PLXNA4: variants seen among roughly 807,000 people sequenced by gnomAD.
PLXNA4 encodes the protein plexin-A4.
In PLXNA4, 44 loss-of-function variants were observed where a neutral mutation model predicts 191.8. The observed-to-expected ratio is 0.23, with a 90% CI of 0.18 to 0.29. The LOEUF is 0.29. Ranked by LOEUF, PLXNA4 falls within the 10% of genes least tolerant of loss-of-function variation. The pLI, the probability that PLXNA4 is intolerant of heterozygous loss-of-function variation, is 1.00. For synonymous variants in PLXNA4, 1,082 were observed against 1,009.5 expected (o/e 1.07, Z -1.36); for missense variants, 1,800 against 2,488.8 (o/e 0.72, Z 5.89).
At chr7:132,502,591 C>T (rs958549357) in intron 2 of PLXNA4, among the ~76,000 whole-genome samples, 14 of 152,150 alleles carry the variant, frequency 9.2e-5, no homozygotes, top group Non-Finnish European at 1.6e-4. Context: ...GCAGTCCCTG[C>T]ACCAAGAACT....
chr7:132,341,333 T>G (rs369697923), intron 3 of PLXNA4, among the ~76,000 whole-genome samples: 3 of 152,134 alleles, frequency 2.0e-5, no homozygotes, highest in East Asian at 1.9e-4. Flanking sequence ...TATAATTTTA[T>G]GTACTACTAA....
At chr7:132,475,600 C>A (rs1406877494) in intron 3 of PLXNA4, among the ~76,000 whole-genome samples, 1 of 152,030 alleles carries the variant, frequency 6.6e-6, no homozygotes, top group Non-Finnish European at 1.5e-5. Flanking sequence ...TCCCCCTTCC[C>A]CTGACCCAAC....
intron 2 of PLXNA4, among the ~76,000 whole-genome samples, chr7:132,619,484 G>A (rs377273557): frequency 6.6e-6 from 1 of 152,200 alleles, no homozygotes; most frequent in African/African-American, 2.4e-5. Flanking sequence ...TGGTATGTAA[G>A]CAACTCAAAA....
intron 3 of PLXNA4, among the ~76,000 whole-genome samples, chr7:132,479,494 G>T (rs1797256005): frequency 6.6e-6 from 1 of 152,146 alleles, no homozygotes; most frequent in Non-Finnish European, 1.5e-5. Flanking sequence ...ATGCAGCTGT[G>T]CCATAACACA....
intron 1 of PLXNA4, among the ~76,000 whole-genome samples, chr7:132,524,133 C>CA (rs1175100282): frequency 6.6e-6 from 1 of 152,176 alleles, no homozygotes; most frequent in Non-Finnish European, 1.5e-5. Flanking sequence ...CCTAACCCTG[C>CA]AAAAAGCCCC....
intron 9 of PLXNA4, among the ~76,000 whole-genome samples, chr7:132,221,403 A>G (rs1798140638): frequency 1.3e-5 from 2 of 152,318 alleles, no homozygotes; most frequent in African/African-American, 2.4e-5. Flanking sequence ...GCTGGAGAGA[A>G]GCTGAGGACC....
intron 1 of PLXNA4, among the ~76,000 whole-genome samples, chr7:132,534,248 C>A (rs928443544): frequency 1.1e-4 from 17 of 152,126 alleles, no homozygotes; most frequent in Non-Finnish European, 2.4e-4. Flanking sequence ...GTGAGAAATC[C>A]AATCAGCAAT....
Position 132,222,482 on chromosome 7 carries a change from C to T in PLXNA4, c.2097+1045G>A, listed in dbSNP as rs557477386. 4.6e-5 allele frequency among the ~76,000 whole-genome samples: 7 copies of T among 152,298 alleles called. No individual in the cohort carries two copies. The East Asian group carries it at 1.4e-3, about 29-fold the overall frequency. On this transcript the variant is annotated intron_variant, in intron 9 of 31. Coordinates refer to ENST00000321063, the MANE Select transcript of PLXNA4 (RefSeq NM_020911.2). ...AATGCCCCTCCTGCCCCCCTCCCCC[C>T]ACCAAATCCCCTATGCTTCCTGCAC...
chr7:132,217,177 G>A (rs534194498), intron 9 of PLXNA4, among the ~76,000 whole-genome samples: 8 of 152,306 alleles, frequency 5.3e-5, no homozygotes, highest in East Asian at 3.9e-4. Flanking sequence ...AATACAAATC[G>A]CACTGCTAAT....
At chr7:132,264,274 T>A (rs933198081) in intron 4 of PLXNA4, 6 of 152,152 alleles carry the variant, frequency 3.9e-5, no homozygotes, top group African/African-American at 1.4e-4. Flanking sequence ...TCCCCTGGAG[T>A]TTGCTCCCTC....
chr7:132,563,640 C>T, intron 1 of PLXNA4, among the ~76,000 whole-genome samples: 1 of 131,192 alleles, frequency 7.6e-6, no homozygotes, highest in African/African-American at 2.9e-5. Flanking sequence ...TCCTCCTTCT[C>T]CTCCTCCTTC....
At chr7:132,201,507 A>C (rs1315743884) in intron 12 of PLXNA4, among the ~76,000 whole-genome samples, 1 of 152,158 alleles carries the variant, frequency 6.6e-6, no homozygotes, top group African/African-American at 2.4e-5. Flanking sequence ...GTTCGTCCTC[A>C]CTGTTCACTG....
intron 3 of PLXNA4, among the ~76,000 whole-genome samples, chr7:132,409,074 CT>C (rs1312727886): frequency 6.6e-6 from 1 of 152,180 alleles, no homozygotes; most frequent in East Asian, 1.9e-4. Flanking sequence ...GGATGGTCTT[CT>C]AGAAGATGCA....
rs150757317 is a variant in PLXNA4, at chr7:132,198,741, T to A, written c.2587-105A>T. 4.2e-5 allele frequency: 63 copies of A among 1,513,558 alleles called. No homozygotes were observed. In the East Asian group the frequency reaches 1.3e-3, roughly 31 times the overall value. 93.8% of individuals were successfully genotyped at this position (1,513,558 alleles called of 1,614,324 possible). A position where few individuals can be genotyped will look rare whatever the true frequency, so the allele number is the denominator to read the frequency against. On this transcript the variant is annotated intron_variant, in intron 12 of 31. Coordinates refer to ENST00000321063, the MANE Select transcript of PLXNA4 (RefSeq NM_020911.2). The stretch of plus-strand genomic sequence containing the variant: ...GGCTCTTGTCTCATCTGCCCCAGAG[T>A]CCCTGAGTGGCTTGAAGTCACCAAG...
chr7:132,470,319 G>A (rs1796887284), intron 3 of PLXNA4, among the ~76,000 whole-genome samples: 1 of 152,208 alleles, frequency 6.6e-6, no homozygotes, highest in Non-Finnish European at 1.5e-5. Flanking sequence ...AAGTGCTCTA[G>A]TTGGGAATGA....
chr7:132,562,054 C>T (rs1178066701), intron 1 of PLXNA4, among the ~76,000 whole-genome samples: 3 of 106,464 alleles, frequency 2.8e-5, no homozygotes, highest in Non-Finnish European at 5.6e-5. Context: ...TCCTCCTCTC[C>T]CTCCTCCTTC....
chr7:132,587,659 T>C (rs1162331947), intron 2 of PLXNA4, among the ~76,000 whole-genome samples: 1 of 152,084 alleles, frequency 6.6e-6, no homozygotes, highest in Non-Finnish European at 1.5e-5. Context: ...AGAACCAATA[T>C]CCCACCCAAG....
upstream of PLXNA4, among the ~76,000 whole-genome samples, chr7:132,577,686 A>G (rs766566080): frequency 1.3e-5 from 2 of 152,096 alleles, no homozygotes; most frequent in Non-Finnish European, 2.9e-5. Context: ...AGGGGCATAC[A>G]TGGGTGACCG....
At chr7:132,622,528 A>C (rs1184310770) in intron 2 of PLXNA4, among the ~76,000 whole-genome samples, 3 of 151,896 alleles carry the variant, frequency 2.0e-5, no homozygotes, top group Admixed American at 2.0e-4. Context: ...TGTCTAAAGA[A>C]TTAGGAGCTA....
Sources: gnomAD v4.1 joint callset for allele counts (sites outside exome capture counted in the v4.1 genomes callset) on GRCh38, gnomAD v4.1.1 for gene constraint, MANE v1.5 for transcripts, NCBI Gene and HGNC (gene_info 2026-07-23, HGNC 2026-07-21) for gene names.